The following PTPRD variants were observed in gnomAD, a reference collection of about 807,000 sequenced individuals.
The protein encoded by PTPRD is protein tyrosine phosphatase receptor type D.
In PTPRD, 34 loss-of-function variants were observed where a neutral mutation model predicts 214.5. That is an observed-to-expected ratio of 0.16 (90% CI 0.12 to 0.21). PTPRD has a LOEUF of 0.21. Among genes scored for constraint, PTPRD ranks in the 10% least tolerant of loss-of-function variants. The pLI is 1.00. For missense variants in PTPRD, 2,545 were observed against 2,398.7 expected (o/e 1.06, Z -1.27); for synonymous variants, 1,128 against 845.7 (o/e 1.33, Z -5.79).
chr9:9,461,532 A>T (rs1018830639), intron 8 of PTPRD, among the ~76,000 whole-genome samples: 1 of 152,118 alleles, frequency 6.6e-6, no homozygotes, highest in Non-Finnish European at 1.5e-5. Flanking sequence ...AGAATGGAAG[A>T]AAGTTAATAT....
At chr9:8,439,925 A>G (rs1049444506) in intron 34 of PTPRD, among the ~76,000 whole-genome samples, 9 of 91,974 alleles carry the variant, frequency 9.8e-5, no homozygotes, top group Non-Finnish European at 1.4e-4. Context: ...AAATTACTTG[A>G]TGTGCTTTAA....
chr9:9,060,256 T>C (rs1050626927), intron 10 of PTPRD, among the ~76,000 whole-genome samples: 7 of 152,096 alleles, frequency 4.6e-5, no homozygotes, highest in African/African-American at 7.2e-5. Flanking sequence ...CATGCAAACA[T>C]AGAGAGTTGA....
chr9:8,799,696 A>C (rs1488781279), intron 11 of PTPRD, among the ~76,000 whole-genome samples: 1 of 152,182 alleles, frequency 6.6e-6, no homozygotes, highest in Non-Finnish European at 1.5e-5. Flanking sequence ...GCCAGGTTCA[A>C]TTAACTTTTC....
At chr9:8,701,466 C>G (rs892091692) in intron 12 of PTPRD, 1 of 152,056 alleles carries the variant, frequency 6.6e-6, no homozygotes, top group African/African-American at 2.4e-5. Flanking sequence ...GAAACCCCGT[C>G]TCTACCAAAA....
chr9:9,474,261 C>T (rs1370819729), intron 8 of PTPRD, among the ~76,000 whole-genome samples: 6 of 152,010 alleles, frequency 3.9e-5, no homozygotes, highest in Non-Finnish European at 5.9e-5. Context: ...AATCAGGTGG[C>T]TGCAATAGGT....
At chr9:10,426,009 A>C (rs1402147591) in intron 2 of PTPRD, among the ~76,000 whole-genome samples, 1 of 152,024 alleles carries the variant, frequency 6.6e-6, no homozygotes, top group Non-Finnish European at 1.5e-5. Flanking sequence ...ATATACATAC[A>C]TACACTATTA....
intron 3 of PTPRD, among the ~76,000 whole-genome samples, chr9:10,205,369 TTATTTTATTTTA>T (rs1345890925): frequency 1.4e-5 from 1 of 72,516 alleles, no homozygotes; most frequent in African/African-American, 5.9e-5. Flanking sequence ...TTCTTCTTCT[TTATTTTATTTTA>T]TTTTATTTTA....
At chr9:9,408,840 T>G (rs1276767026) in intron 8 of PTPRD, among the ~76,000 whole-genome samples, 1 of 151,948 alleles carries the variant, frequency 6.6e-6, no homozygotes, top group South Asian at 2.1e-4. Flanking sequence ...TAATCATATT[T>G]TCTTTTTCCT....
At chr9:9,710,921 G>A (rs1349626377) in intron 7 of PTPRD, among the ~76,000 whole-genome samples, 4 of 152,156 alleles carry the variant, frequency 2.6e-5, no homozygotes, top group African/African-American at 9.6e-5. Context: ...TTCTCTCCAG[G>A]TGAACTGGCA....
chr9:8,328,166 T>C (rs1273568583), intron 44 of PTPRD, among the ~76,000 whole-genome samples: 3 of 152,206 alleles, frequency 2.0e-5, no homozygotes, highest in Non-Finnish European at 2.9e-5. Flanking sequence ...CAGTTGTTCC[T>C]TTCCATGTTT....
At chr9:8,674,436 G>A (rs1021250846) in intron 12 of PTPRD, among the ~76,000 whole-genome samples, 2 of 143,022 alleles carry the variant, frequency 1.4e-5, no homozygotes, top group Non-Finnish European at 3.0e-5. Flanking sequence ...CCAGCCTGGT[G>A]GCAGAGCAAG....
At position 9,102,651 on chromosome 9, in the gene PTPRD, T is replaced by A. The variant is rs532123877; in HGVS notation, c.-143+80653A>T. On this transcript the variant is annotated intron_variant, in intron 10 of 45. Coordinates refer to ENST00000381196, the MANE Select transcript of PTPRD (RefSeq NM_002839.4). ...TAATTTAGCCCATGTGGAAAAACAT[T>A]TACCAATGACAACATTTTCTTAAAT... 3.9e-5 allele frequency among the ~76,000 whole-genome samples: 6 copies of A among 152,324 alleles called. No individual in the cohort carries two copies. In the South Asian group the frequency reaches 1.2e-3, roughly 32 times the overall value.
At chr9:9,555,260 C>T (rs2081244822) in intron 8 of PTPRD, among the ~76,000 whole-genome samples, 1 of 151,918 alleles carries the variant, frequency 6.6e-6, no homozygotes, top group African/African-American at 2.4e-5. Flanking sequence ...CTTATTAGGG[C>T]AGATATATGG....
chr9:9,913,610 C>T (rs2079848824), intron 5 of PTPRD, among the ~76,000 whole-genome samples: 1 of 152,086 alleles, frequency 6.6e-6, no homozygotes, highest in African/African-American at 2.4e-5. Context: ...ACCCATCTCC[C>T]CAACCCTGAT....
At chr9:10,033,470 T>A (rs2097122048) in intron 4 of PTPRD, among the ~76,000 whole-genome samples, 1 of 151,988 alleles carries the variant, frequency 6.6e-6, no homozygotes, top group Non-Finnish European at 1.5e-5. Context: ...AAATTAAAAA[T>A]ACTGCTTTTT....
chr9:8,849,755 G>A (rs147787765), intron 11 of PTPRD, among the ~76,000 whole-genome samples: 7 of 152,312 alleles, frequency 4.6e-5, no homozygotes, highest in African/African-American at 1.7e-4. Flanking sequence ...ACAGGGCTAT[G>A]GTGAGGGAGA....
chr9:9,092,611 A>T (rs180764551), intron 10 of PTPRD, among the ~76,000 whole-genome samples: 1 of 152,116 alleles, frequency 6.6e-6, no homozygotes, highest in Non-Finnish European at 1.5e-5. Context: ...TAACACATGA[A>T]AAAGTTATGA....
chr9:10,309,953 A>G (rs1284711078), intron 3 of PTPRD, among the ~76,000 whole-genome samples: 1 of 152,090 alleles, frequency 6.6e-6, no homozygotes, highest in African/African-American at 2.4e-5. Flanking sequence ...AATGTGCAGC[A>G]TGTCATAAAA....
At chr9:8,499,496 A>G (rs946763470) in intron 25 of PTPRD, 151 bp downstream of exon 25, 1 of 678,288 alleles carries the variant, frequency 1.5e-6, no homozygotes, top group Non-Finnish European at 2.3e-6. Context: ...ACTCTGATTG[A>G]AAAGATCAAT....
Sources: gnomAD v4.1 joint callset for allele counts (sites outside exome capture counted in the v4.1 genomes callset) on GRCh38, gnomAD v4.1.1 for gene constraint, MANE v1.5 for transcripts, NCBI Gene and HGNC (gene_info 2026-07-23, HGNC 2026-07-21) for gene names.